The following GPR39 variants were observed in gnomAD, a reference collection of about 807,000 sequenced individuals.
The protein encoded by GPR39 is G protein-coupled receptor 39, also known as zinc sensing receptor.
GPR39 carries 23 observed loss-of-function variants against 18.4 expected under a neutral mutation model. That is an observed-to-expected ratio of 1.25 (90% CI 0.90 to 1.77). The LOEUF (loss-of-function observed/expected upper bound fraction) is 1.77. GPR39 is among the 40% of genes most tolerant of loss of function. GPR39 has a pLI of 0.00. For synonymous variants in GPR39, 280 were observed against 257.9 expected (o/e 1.09, Z -0.82); for missense variants, 647 against 602.4 (o/e 1.07, Z -0.78).
intron 1 of GPR39, among the ~76,000 whole-genome samples, chr2:132,479,330 G>T (rs1380311114): frequency 6.6e-6 from 1 of 152,226 alleles, no homozygotes; most frequent in African/African-American, 2.4e-5. Context: ...AGTGCTGAAA[G>T]AAGGTAGACT....
At chr2:132,585,972 T>A (rs1008697339) in intron 1 of GPR39, among the ~76,000 whole-genome samples, 4 of 130,488 alleles carry the variant, frequency 3.1e-5, no homozygotes, top group African/African-American at 1.1e-4. Flanking sequence ...TTTTTTTTTT[T>A]AATGCCCCAC....
At chr2:132,625,139 G>A (rs979570698) in intron 1 of GPR39, among the ~76,000 whole-genome samples, 11 of 147,924 alleles carry the variant, frequency 7.4e-5, no homozygotes, top group South Asian at 2.1e-4. Flanking sequence ...TTGCTTCTAC[G>A]TGGCTTTTTC....
chr2:132,434,866 G>A (rs1680284759), intron 1 of GPR39, among the ~76,000 whole-genome samples: 2 of 152,126 alleles, frequency 1.3e-5, no homozygotes, highest in Non-Finnish European at 2.9e-5. Context: ...TTCAAGATAT[G>A]GGTCTTAGAG....
At chr2:132,420,948 T>G (rs948856869) in intron 1 of GPR39, among the ~76,000 whole-genome samples, 1 of 152,084 alleles carries the variant, frequency 6.6e-6, no homozygotes, top group South Asian at 2.1e-4. Flanking sequence ...GAAATAGGAG[T>G]GTCTTGTCTT....
intron 1 of GPR39, among the ~76,000 whole-genome samples, chr2:132,619,571 C>T (rs139061448): frequency 3.6e-4 from 55 of 152,232 alleles, no homozygotes; most frequent in Non-Finnish European, 6.8e-4. Flanking sequence ...GGAAGGCTGA[C>T]GGCTTCTCCC....
intron 1 of GPR39, among the ~76,000 whole-genome samples, chr2:132,430,301 A>G: frequency 6.6e-6 from 1 of 152,182 alleles, no homozygotes; most frequent in East Asian, 1.9e-4. Flanking sequence ...GGCATTATTT[A>G]AGCCTTCAGG....
chr2:132,501,054 G>GTTTTTTTTTTTTTTTTTTTTTTTTGT (rs55720929), intron 1 of GPR39, among the ~76,000 whole-genome samples: 2 of 90,326 alleles, frequency 2.2e-5, no homozygotes, highest in Non-Finnish European at 4.4e-5. Flanking sequence ...TATCTTTTGT[G>GTTTTTTTTTTTTTTTTTTTTTTTTGT]TTTTTTTTTT....
intron 1 of GPR39, among the ~76,000 whole-genome samples, chr2:132,520,344 T>C (rs920009266): frequency 3.9e-5 from 6 of 152,234 alleles, no homozygotes; most frequent in African/African-American, 1.4e-4. Flanking sequence ...GCATAACACC[T>C]TGCCTTTCAT....
chr2:132,438,443 G>C (rs1189056152), intron 1 of GPR39, among the ~76,000 whole-genome samples: 2 of 152,092 alleles, frequency 1.3e-5, no homozygotes, highest in Non-Finnish European at 2.9e-5. Flanking sequence ...GCTTTCCTAA[G>C]TTTGACATGC....
intron 1 of GPR39, among the ~76,000 whole-genome samples, chr2:132,574,372 C>A (rs1680495428): frequency 6.6e-6 from 1 of 152,210 alleles, no homozygotes; most frequent in African/African-American, 2.4e-5. Flanking sequence ...ATTTCAACTT[C>A]TAAAAATTCT....
chr2:132,432,649 G>C (rs887117887), intron 1 of GPR39, among the ~76,000 whole-genome samples: 1 of 152,120 alleles, frequency 6.6e-6, no homozygotes, highest in Non-Finnish European at 1.5e-5. Context: ...ATTCTCGGAG[G>C]ACATTTTTCA....
At chr2:132,450,575 A>G (rs1341068303) in intron 1 of GPR39, among the ~76,000 whole-genome samples, 1 of 152,226 alleles carries the variant, frequency 6.6e-6, no homozygotes, top group Non-Finnish European at 1.5e-5. Flanking sequence ...GCCTCTCTAT[A>G]GCTGTTTATT....
At chr2:132,558,062 A>G (rs923226730) in intron 1 of GPR39, among the ~76,000 whole-genome samples, 2 of 152,118 alleles carry the variant, frequency 1.3e-5, no homozygotes, top group Non-Finnish European at 2.9e-5. Flanking sequence ...CTTTTTTGTT[A>G]TATAAAGGAT....
chr2:132,453,756 G>A (rs1680670421), intron 1 of GPR39, among the ~76,000 whole-genome samples: 1 of 152,226 alleles, frequency 6.6e-6, no homozygotes, highest in East Asian at 1.9e-4. Context: ...CCCATTTCTT[G>A]TTTTTGTCAG....
chr2:132,522,698 G>A (rs1355566723), intron 1 of GPR39, among the ~76,000 whole-genome samples: 1 of 152,136 alleles, frequency 6.6e-6, no homozygotes, highest in East Asian at 1.9e-4. Context: ...CTTAGCCCTT[G>A]CAGAGCACAG....
rs541573370 is a variant in GPR39, at chr2:132,570,896, T to C, written c.857-74205T>C. On this transcript the variant is annotated intron_variant, in intron 1 of 1. Transcript: ENST00000329321. ...TGACCTTAGCTAAGTTTCTTAACTC[T>C]TTCAATAGCCTTGAAAGGGTGGGGC... Among the ~76,000 whole-genome samples, 3 of 152,282 alleles carry C rather than the reference T, an allele frequency of 2.0e-5. No homozygotes were observed. The East Asian group carries it at 5.8e-4, about 29-fold the overall frequency.
chr2:132,612,434 C>G (rs1365648398), intron 1 of GPR39, among the ~76,000 whole-genome samples: 2 of 152,184 alleles, frequency 1.3e-5, no homozygotes, highest in Non-Finnish European at 2.9e-5. Flanking sequence ...TTGCTTACTT[C>G]AAAGCAAGAC....
intron 1 of GPR39, among the ~76,000 whole-genome samples, chr2:132,492,301 C>T (rs1322918196): frequency 7.3e-6 from 1 of 136,352 alleles, no homozygotes; most frequent in Non-Finnish European, 1.5e-5. Flanking sequence ...TATATACATA[C>T]CATATATATA....
At chr2:132,493,399 A>G (rs1233600500) in intron 1 of GPR39, among the ~76,000 whole-genome samples, 2 of 146,844 alleles carry the variant, frequency 1.4e-5, no homozygotes, top group Non-Finnish European at 3.0e-5. Flanking sequence ...TATACACACC[A>G]TATATATACA....
Sources: allele counts gnomAD v4.1 joint callset (sites outside exome capture counted in the v4.1 genomes callset), GRCh38; gene constraint gnomAD v4.1.1; transcripts MANE v1.5; gene names NCBI Gene and HGNC (gene_info 2026-07-23, HGNC 2026-07-21).